RAP1GAP2: variants seen among roughly 807,000 people sequenced by gnomAD.
The protein encoded by RAP1GAP2 is RAP1 GTPase activating protein 2.
Under a neutral mutation model 95.0 loss-of-function variants are expected in RAP1GAP2, and 27 were observed. That is an observed-to-expected ratio of 0.28 (90% CI 0.21 to 0.39). The LOEUF is 0.39. Ranked by LOEUF, RAP1GAP2 falls within the 10% of genes least tolerant of loss-of-function variation. The pLI, the probability that RAP1GAP2 is intolerant of heterozygous loss-of-function variation, is 1.00. For missense variants in RAP1GAP2, 771 were observed against 970.0 expected, an observed-to-expected ratio of 0.79 and a Z score of 2.72; for synonymous variants, 373 against 380.9, an observed-to-expected ratio of 0.98 and a Z score of 0.24.
intron 3 of RAP1GAP2, among the ~76,000 whole-genome samples, chr17:2,950,251 C>T (rs8078718): frequency 0.89 from 135,040 of 151,808 alleles, 61,756 homozygotes; most frequent in Non-Finnish European, 1. Context: ...ACAGTTTCAC[C>T]ATGTTGGCCA....
Position 3,018,164 on chromosome 17 carries a change from A to T in RAP1GAP2, c.1598A>T (p.His533Leu). Reference sequence around the variant, plus strand: ...GGCAGCCTCAGCGGGGGCATCTCCCACAACAGCATGGAGGTCACCAAGACC... The same window carrying T: ...GGCAGCCTCAGCGGGGGCATCTCCCTCAACAGCATGGAGGTCACCAAGACC... ...IPGSLSGGISHNSMEVTKTTF... is the reference protein window; with the variant it reads ...IPGSLSGGISLNSMEVTKTTF... Residue 533 changes from histidine to leucine, a missense_variant, in exon 18 of 25, where the codon CAC becomes CTC. Physicochemically the swap from His to Leu is moderately conservative, Grantham distance 99 (BLOSUM62 -3). Transcript: ENST00000254695. The T allele has an allele frequency of 2.5e-6, 4 of 1,579,092 alleles. No homozygotes were observed. Among genetic ancestry groups the T allele is most frequent in the Non-Finnish European group, 3.4e-6 (4 of 1,163,064 alleles).
chr17:2,893,797 G>A (rs998157630), intron 2 of RAP1GAP2, among the ~76,000 whole-genome samples: 9 of 152,042 alleles, frequency 5.9e-5, no homozygotes, highest in South Asian at 4.1e-4. Context: ...TCTGAGTGAC[G>A]GAGTGCGTTT....
At chr17:2,988,039 T>C (rs974917926) in intron 11 of RAP1GAP2, among the ~76,000 whole-genome samples, 1 of 152,124 alleles carries the variant, frequency 6.6e-6, no homozygotes, top group African/African-American at 2.4e-5. Flanking sequence ...TGCTACTGTT[T>C]TCAGCTTTGT....
At chr17:2,921,496 AC>A (rs2042768172) in intron 3 of RAP1GAP2, among the ~76,000 whole-genome samples, 1 of 152,128 alleles carries the variant, frequency 6.6e-6, no homozygotes, top group Non-Finnish European at 1.5e-5. Flanking sequence ...AGCTACCATG[AC>A]CGGCCAGGAA....
In RAP1GAP2 at chr17:3,008,765, G is replaced by A. The variant is rs980597921; in HGVS notation, c.1494+620G>A. On this transcript the variant is annotated intron_variant, in intron 17 of 24. Transcript: ENST00000254695. The surrounding 1 kb of genome is among the most constrained non-coding windows in gnomAD (Gnocchi z 4.2). ...GCCCCCGAGCTGGCGTGTGGTAGAG[G>A]TTTTTCATCTTATGCTTGCTGAGTG... 2.0e-5 allele frequency among the ~76,000 whole-genome samples: 3 copies of A among 152,198 alleles called. No individual in the cohort carries two copies. The highest frequency in any genetic ancestry group is 7.2e-5 in the African/African-American group (3 of 41,450).
intron 1 of RAP1GAP2, among the ~76,000 whole-genome samples, chr17:2,783,033 C>CCCCATTTTATGAGGAAGTTTT (rs1208415092): frequency 6.6e-6 from 1 of 152,066 alleles, no homozygotes; most frequent in African/African-American, 2.4e-5. Context: ...AACAAACCAT[C>CCCCATTTTATGAGGAAGTTTT]CCCATTTTAT....
At chr17:2,930,579 C>A (rs1400334301) in intron 3 of RAP1GAP2, among the ~76,000 whole-genome samples, 1 of 152,218 alleles carries the variant, frequency 6.6e-6, no homozygotes, top group Non-Finnish European at 1.5e-5. Flanking sequence ...CAAGGCAGCA[C>A]CAGCTCTTGG....
Position 2,827,479 on chromosome 17 carries a change from C to T in RAP1GAP2, c.80+26929C>T, listed in dbSNP as rs9900465. On this transcript the variant is annotated intron_variant, in intron 2 of 24. Coordinates refer to ENST00000254695, the MANE Select transcript of RAP1GAP2 (RefSeq NM_015085.5). This position sits in a 1 kb window ranked among gnomAD's most constrained non-coding sequence, Gnocchi z 4.1. ...GCTCGGGGCTGGGGGAAGGGGCTAC[C>T]CTGGGTGGGTGGTCAGGAAGAGCCT... Among the ~76,000 whole-genome samples the T allele has an allele frequency of 0.023, 3,563 of 152,126 alleles. 139 individuals carry two copies. Among genetic ancestry groups the T allele is most frequent in the African/African-American group, 0.08 (3,337 of 41,502 alleles).
chr17:2,962,627 G>T, intron 4 of RAP1GAP2, 43 bp from the exon 5 acceptor site: 2 of 1,547,216 alleles, frequency 1.3e-6, no homozygotes, highest in South Asian at 1.2e-5. Flanking sequence ...CCTGTCTTCT[G>T]ACCTTTGCTT....
intron 17 of RAP1GAP2, among the ~76,000 whole-genome samples, chr17:3,013,104 C>T (rs575482279): frequency 6.6e-6 from 1 of 152,336 alleles, no homozygotes; most frequent in African/African-American, 2.4e-5. Flanking sequence ...AGGTTCATTT[C>T]TCCCAGCCTT....
At chr17:2,806,963 C>T (rs2069547887) in intron 2 of RAP1GAP2, among the ~76,000 whole-genome samples, 1 of 152,090 alleles carries the variant, frequency 6.6e-6, no homozygotes, top group Non-Finnish European at 1.5e-5. Context: ...TGATTACAGG[C>T]ATGAGCCACT....
At chr17:2,775,924 A>C (rs1397399256), upstream of RAP1GAP2, among the ~76,000 whole-genome samples, 1 of 152,218 alleles carries the variant, frequency 6.6e-6, no homozygotes, top group Non-Finnish European at 1.5e-5. Flanking sequence ...CATGCCTGTC[A>C]TCTCAGCACT....
chr17:2,851,990 A>G (rs2071870596), intron 2 of RAP1GAP2, among the ~76,000 whole-genome samples: 1 of 152,184 alleles, frequency 6.6e-6, no homozygotes, highest in Non-Finnish European at 1.5e-5. Flanking sequence ...ACCCAACGCT[A>G]GGATAGACCT....
upstream of RAP1GAP2, among the ~76,000 whole-genome samples, chr17:2,773,058 A>G (rs1229976102): frequency 1.3e-5 from 2 of 151,954 alleles, no homozygotes; most frequent in Admixed American, 6.6e-5. Context: ...GGGTTTCACT[A>G]TGTTGGCTAG....
intron 3 of RAP1GAP2, among the ~76,000 whole-genome samples, chr17:2,927,377 T>A (rs190961792): frequency 0.017 from 2,538 of 152,136 alleles, 29 homozygotes; most frequent in Middle Eastern, 0.045. Context: ...ATGGTCTCGA[T>A]CTCCTGACCT....
intron 2 of RAP1GAP2, among the ~76,000 whole-genome samples, chr17:2,886,473 A>G (rs2073509500): frequency 6.6e-6 from 1 of 152,070 alleles, no homozygotes; most frequent in Non-Finnish European, 1.5e-5. Context: ...GTGCCCGGCC[A>G]TATGTATTTA....
chr17:2,861,472 G>A (rs2072386486), intron 2 of RAP1GAP2, among the ~76,000 whole-genome samples: 1 of 149,120 alleles, frequency 6.7e-6, no homozygotes, highest in African/African-American at 2.5e-5. Context: ...CTGTTTCTCT[G>A]GGGTCTTTTT....
At chr17:3,016,547 C>G (rs774724437) in intron 17 of RAP1GAP2, among the ~76,000 whole-genome samples, 1 of 152,244 alleles carries the variant, frequency 6.6e-6, no homozygotes. Context: ...CAGCATCGCC[C>G]AATGTGAGGA....
intron 2 of RAP1GAP2, among the ~76,000 whole-genome samples, chr17:2,804,397 T>A (rs555254761): frequency 5.9e-4 from 90 of 152,366 alleles, no homozygotes; most frequent in African/African-American, 2.0e-3. Flanking sequence ...AAGTGGAGAC[T>A]GAGAGAGTTT....
Sources: gnomAD v4.1 joint callset for allele counts (sites outside exome capture counted in the v4.1 genomes callset) on GRCh38, gnomAD v4.1.1 for gene constraint, Gnocchi (gnomAD v3.1) non-coding constraint, MANE v1.5 for transcripts, NCBI Gene and HGNC (gene_info 2026-07-23, HGNC 2026-07-21) for gene names.